CYREN: variants seen among roughly 807,000 people sequenced by gnomAD.
CYREN encodes the protein cell cycle regulator of NHEJ, also known as cell cycle regulator of non-homologous end joining.
A neutral mutation model predicts 9.7 loss-of-function variants in CYREN; 7 were observed. The ratio of observed to expected loss-of-function variants is 0.72; its 90% confidence interval spans 0.41 to 1.36. CYREN has a LOEUF of 1.36. Ranked by LOEUF, CYREN falls within the 40% of genes most tolerant of loss-of-function variation. CYREN has a pLI of 0.01. For synonymous variants in CYREN, 76 were observed against 77.9 expected (o/e 0.98, Z 0.13); for missense variants, 215 against 198.1 (o/e 1.09, Z -0.51).
chr7:135,167,164 G>A (rs756084202), intron 3 of CYREN: 18 of 985,272 alleles, frequency 1.8e-5, no homozygotes, highest in South Asian at 9.4e-5. Context: ...TAGAAAGGCC[G>A]GTGACAGAAC....
chr7:135,101,369 A>G (rs1486122489), intron 2 of CYREN: 1 of 387,690 alleles, frequency 2.6e-6, no homozygotes, highest in Non-Finnish European at 5.2e-6. Context: ...AACTTGGATT[A>G]TGGGAACTAC....
At chr7:135,133,892 A>G (rs1227457250) in intron 2 of CYREN, among the ~76,000 whole-genome samples, 1 of 152,174 alleles carries the variant, frequency 6.6e-6, no homozygotes, top group Admixed American at 6.6e-5. Context: ...AGCAATTATA[A>G]TAAGGAATGA....
upstream of CYREN, among the ~76,000 whole-genome samples, chr7:135,172,394 C>T (rs556399199): frequency 1.4e-5 from 2 of 144,934 alleles, no homozygotes; most frequent in Non-Finnish European, 3.0e-5. Flanking sequence ...TTGGTATAAA[C>T]GGTAAAAGTG....
At chr7:135,112,323 C>G (rs1410260908) in intron 2 of CYREN, among the ~76,000 whole-genome samples, 1 of 152,150 alleles carries the variant, frequency 6.6e-6, no homozygotes. Flanking sequence ...CTTCAATGTC[C>G]CCCTGTTTCA....
At chr7:135,134,934 G>A (rs772797432) in intron 2 of CYREN, 21 of 1,550,970 alleles carry the variant, frequency 1.4e-5, no homozygotes, top group Middle Eastern at 3.3e-4. Flanking sequence ...GGGATGTTAT[G>A]GCAAACTCTT....
chr7:135,111,620 C>T (rs1336026804), intron 2 of CYREN, among the ~76,000 whole-genome samples: 2 of 151,812 alleles, frequency 1.3e-5, no homozygotes, highest in South Asian at 2.1e-4. Flanking sequence ...TGTGAAATAG[C>T]TCAATGAATA....
In CYREN at chr7:135,170,694, T is replaced by C. The variant is rs1830604545; in HGVS notation, c.-181A>G. On this transcript the variant is annotated 5_prime_UTR_variant, in exon 1 of 4. Coordinates refer to ENST00000393114, the MANE Select transcript of CYREN (RefSeq NM_024033.4). ...GCCGTCTCGCCTGGCGCCCAAACTC[T>C]GCGGACCTCCACTGGCCGCCCGCCT... 6.6e-6 allele frequency: 1 copy of C among 152,376 alleles called. No homozygotes were observed. The highest frequency in any genetic ancestry group is 1.5e-5 in the Non-Finnish European group (1 of 68,226). 9.4% of individuals were successfully genotyped at this position (152,376 alleles called of 1,614,324 possible).
chr7:135,140,424 C>A (rs1829431884), intron 2 of CYREN, among the ~76,000 whole-genome samples: 1 of 152,010 alleles, frequency 6.6e-6, no homozygotes, highest in African/African-American at 2.4e-5. Flanking sequence ...TATCCTGAAA[C>A]TTTGCTGAAG....
intron 3 of CYREN, chr7:135,167,490 C>A: frequency 1.4e-6 from 2 of 1,397,796 alleles, no homozygotes; most frequent in Non-Finnish European, 1.9e-6. Context: ...CCCTAACACA[C>A]ACACGCCCTC....
At chr7:135,110,447 T>C (rs1430598825) in intron 2 of CYREN, among the ~76,000 whole-genome samples, 11 of 152,136 alleles carry the variant, frequency 7.2e-5, no homozygotes, top group Admixed American at 7.2e-4. Flanking sequence ...ACTCCATGTA[T>C]CAATAACCCT....
chr7:135,146,204 C>T (rs971966579), intron 2 of CYREN, among the ~76,000 whole-genome samples: 4 of 152,228 alleles, frequency 2.6e-5, no homozygotes, highest in Middle Eastern at 3.4e-3. Flanking sequence ...AATGGAGGAA[C>T]GTCCAGTTGG....
At chr7:135,161,928 C>T (rs1039170493), downstream of CYREN, among the ~76,000 whole-genome samples, 7 of 152,212 alleles carry the variant, frequency 4.6e-5, no homozygotes, top group Non-Finnish European at 8.8e-5. This position sits in a 1 kb window ranked among gnomAD's most constrained non-coding sequence, Gnocchi z 4.1. Flanking sequence ...TCCAGAGAAG[C>T]GGCATCTGAG....
intron 2 of CYREN, among the ~76,000 whole-genome samples, chr7:135,110,681 C>T (rs1035676694): frequency 6.6e-6 from 1 of 152,156 alleles, no homozygotes; most frequent in Non-Finnish European, 1.5e-5. Flanking sequence ...CTTTATGAAT[C>T]CAATGTGTGT....
intron 2 of CYREN, among the ~76,000 whole-genome samples, chr7:135,123,892 A>C (rs1332092009): frequency 6.6e-6 from 1 of 152,222 alleles, no homozygotes; most frequent in East Asian, 1.9e-4. Context: ...TCCTGAAAGA[A>C]GCACTAAATA....
intron 2 of CYREN, among the ~76,000 whole-genome samples, chr7:135,146,108 CACTT>C (rs1254250943): frequency 2.0e-5 from 3 of 152,126 alleles, no homozygotes; most frequent in African/African-American, 2.4e-5. Flanking sequence ...TTCACTTAAA[CACTT>C]ACAGGCCATT....
At chr7:135,127,187 C>A (rs1827997447) in intron 2 of CYREN, among the ~76,000 whole-genome samples, 1 of 152,188 alleles carries the variant, frequency 6.6e-6, no homozygotes, top group South Asian at 2.1e-4. Context: ...AAACAGACAA[C>A]CCCATCAAAA....
chr7:135,140,310 A>G (rs1364818231), intron 2 of CYREN, among the ~76,000 whole-genome samples: 1 of 151,820 alleles, frequency 6.6e-6, no homozygotes, highest in Non-Finnish European at 1.5e-5. Flanking sequence ...AGGTATTTTT[A>G]TCTACTTGTG....
rs58038162 is a variant in CYREN at position 135,096,540 on chromosome 7, AAAAGAAAG to A, written n.357-1966_357-1959del. On this transcript the variant is annotated intron_variant and non_coding_transcript_variant, in intron 2 of 2. Coordinates refer to the CYREN transcript ENST00000459937. Reference sequence around the variant, plus strand: ...AGAAAAAGAGAAAAAAACAAAAAGAAAAAGAAAGAAAGAAAGAAAGATAGATAGATAGA... The same window carrying A: ...AGAAAAAGAGAAAAAAACAAAAAGAAAAAGAAAGAAAGATAGATAGATAGA... Among the ~76,000 whole-genome samples, 21 of 64,548 alleles carry A rather than the reference AAAAGAAAG, an allele frequency of 3.3e-4. No individual in the cohort carries two copies. In the East Asian group the frequency reaches 8.5e-3, roughly 26 times the overall value. 42.3% of individuals were successfully genotyped at this position (64,548 alleles called of 152,430 possible). A position where few individuals can be genotyped will look rare whatever the true frequency, so the allele number is the denominator to read the frequency against.
At chr7:135,098,530 A>G (rs1032840115) in intron 2 of CYREN, among the ~76,000 whole-genome samples, 3 of 152,214 alleles carry the variant, frequency 2.0e-5, no homozygotes, top group Non-Finnish European at 4.4e-5. Context: ...CCACACAAAC[A>G]ATGCCAACTG....
Sources: gnomAD v4.1 joint callset for allele counts (sites outside exome capture counted in the v4.1 genomes callset) on GRCh38, gnomAD v4.1.1 for gene constraint, Gnocchi (gnomAD v3.1) non-coding constraint, MANE v1.5 for transcripts, NCBI Gene and HGNC (gene_info 2026-07-23, HGNC 2026-07-21) for gene names.